Variants in PCDHA2 observed in about 807,000 individuals in gnomAD.
The protein encoded by PCDHA2 is protocadherin alpha 2.
A neutral mutation model predicts 66.0 loss-of-function variants in PCDHA2; 58 were observed. The ratio of observed to expected loss-of-function variants is 0.88; its 90% CI spans 0.71 to 1.09. The LOEUF is 1.09. PCDHA2 is among the 50% of genes least tolerant of loss of function. PCDHA2 has a pLI of 0.00. For synonymous variants in PCDHA2, 634 were observed against 554.0 expected (o/e 1.14, Z -2.03); for missense variants, 1,267 against 1,242.3 (o/e 1.02, Z -0.30).
chr5:141,005,133 T>C (rs559773723), intron 3 of PCDHA2, among the ~76,000 whole-genome samples: 3 of 152,328 alleles, frequency 2.0e-5, no homozygotes, highest in Admixed American at 6.5e-5. Context: ...AAGTGCCTCA[T>C]TGGAGAGTTG....
At chr5:140,822,918 C>T in intron 1 of PCDHA2, 1 of 1,614,272 alleles carries the variant, frequency 6.2e-7, no homozygotes, top group Non-Finnish European at 8.5e-7. Flanking sequence ...CAGGTGCCAA[C>T]GGGCAGGTGA....
chr5:140,808,959 T>G (rs1554124915), intron 1 of PCDHA2: 1 of 1,613,498 alleles, frequency 6.2e-7, no homozygotes, highest in Non-Finnish European at 8.5e-7. Flanking sequence ...GGCCACGTGG[T>G]GGCAAAGGTG....
intron 3 of PCDHA2, among the ~76,000 whole-genome samples, chr5:141,003,969 G>A (rs781827494): frequency 2.0e-5 from 3 of 152,158 alleles, no homozygotes; most frequent in Non-Finnish European, 4.4e-5. Flanking sequence ...GAGCATAAGG[G>A]AGGGGACTTG....
intron 1 of PCDHA2, chr5:140,967,336 C>T (rs782067589): frequency 5.0e-6 from 8 of 1,607,396 alleles, no homozygotes; most frequent in Admixed American, 1.7e-5. Context: ...TCAGCCCCAG[C>T]GAGCACTTCG....
chr5:140,797,829 A>G (rs1223616665), intron 1 of PCDHA2, among the ~76,000 whole-genome samples: 1 of 151,736 alleles, frequency 6.6e-6, no homozygotes, highest in Non-Finnish European at 1.5e-5. Flanking sequence ...TGTCTATGCA[A>G]TAGTTAATAA....
chr5:140,869,141 G>T (rs782396331), intron 1 of PCDHA2: 1 of 1,613,314 alleles, frequency 6.2e-7, no homozygotes, highest in African/African-American at 1.3e-5. Flanking sequence ...GGCACCCCAC[G>T]ACTACAGCTC....
intron 1 of PCDHA2, among the ~76,000 whole-genome samples, chr5:140,960,137 T>C (rs2095528767): frequency 6.6e-6 from 1 of 152,232 alleles, no homozygotes; most frequent in African/African-American, 2.4e-5. Flanking sequence ...AATACTTAGA[T>C]ATTAATAGCT....
At chr5:140,934,228 G>A (rs1238284158) in intron 1 of PCDHA2, among the ~76,000 whole-genome samples, 2 of 151,884 alleles carry the variant, frequency 1.3e-5, no homozygotes, top group African/African-American at 4.8e-5. Flanking sequence ...TAAAAGATTT[G>A]TACTTAATTG....
intron 3 of PCDHA2, among the ~76,000 whole-genome samples, chr5:141,005,280 C>T (rs2098203817): frequency 6.6e-6 from 1 of 152,180 alleles, no homozygotes; most frequent in Non-Finnish European, 1.5e-5. Context: ...GGTGAATAAA[C>T]AGATACATTT....
chr5:140,928,990 C>CT, intron 1 of PCDHA2: 2 of 1,613,884 alleles, frequency 1.2e-6, no homozygotes, highest in African/African-American at 1.3e-5. Context: ...GGGGTGCTTA[C>CT]TTTTCTTCGT....
rs147674000 is a variant in PCDHA2 at position 140,809,124 on chromosome 5, G to T, written c.2388+11772G>T. On this transcript the variant is annotated intron_variant, in intron 1 of 3. Coordinates refer to ENST00000526136, the MANE Select transcript of PCDHA2 (RefSeq NM_018905.3). ...GACGAAACGGACGCTCCGCGCCACC[G>T]CCTACTGGTACTGGTGAAGGACCAC... The T allele has an allele frequency of 8.0e-3, 12,837 of 1,613,980 alleles. 65 individuals carry two copies. The highest frequency in any genetic ancestry group is 0.011 in the Middle Eastern group (64 of 6,062).
At chr5:140,952,698 C>G (rs1020795237) in intron 1 of PCDHA2, among the ~76,000 whole-genome samples, 4 of 152,182 alleles carry the variant, frequency 2.6e-5, no homozygotes, top group Non-Finnish European at 4.4e-5. Context: ...ATAGCAATAT[C>G]CCACTCTCAG....
At chr5:140,969,087 T>C (rs146741684) in intron 1 of PCDHA2, 741 of 1,613,920 alleles carry the variant, frequency 4.6e-4, no homozygotes, top group Non-Finnish European at 5.8e-4. Flanking sequence ...GGCCTCAAAG[T>C]GCAGCCTCAC....
chr5:140,966,258 A>G, intron 1 of PCDHA2: 1 of 337,520 alleles, frequency 3.0e-6, no homozygotes, highest in Non-Finnish European at 5.3e-6. Context: ...GAGACGGTGG[A>G]GACTGGATGA....
intron 1 of PCDHA2, among the ~76,000 whole-genome samples, chr5:140,909,427 T>C (rs777444474): frequency 5.8e-4 from 88 of 152,174 alleles, no homozygotes; most frequent in Non-Finnish European, 6.5e-4. Context: ...GTTAAACTTA[T>C]GATAATCCAC....
At chr5:140,807,927 A>C in intron 1 of PCDHA2, 1 of 1,614,142 alleles carries the variant, frequency 6.2e-7, no homozygotes, top group South Asian at 1.1e-5. Context: ...AGAACCATTT[A>C]TAAGGTGAGA....
In PCDHA2 at chr5:141,010,735, T is replaced by G. The variant is rs192374006; in HGVS notation, c.*798T>G. On this transcript the variant is annotated 3_prime_UTR_variant, in exon 4 of 4. Coordinates refer to ENST00000526136, the MANE Select transcript of PCDHA2 (RefSeq NM_018905.3). ...GTGCTCACTTTATTAAAAATTCTTT[T>G]GCACACAATGTTTATGAAAAGGCCA... The G allele has an allele frequency of 6.5e-6, 1 of 154,174 alleles. No individual in the cohort carries two copies. The highest frequency in any genetic ancestry group is 1.5e-5 in the Non-Finnish European group (1 of 68,224). 9.6% of individuals were successfully genotyped at this position (154,174 alleles called of 1,614,324 possible). A position where few individuals can be genotyped will look rare whatever the true frequency, so the allele number is the denominator to read the frequency against.
In PCDHA2 at chr5:140,808,480, C is replaced by T. The variant is rs782378137; in HGVS notation, c.2388+11128C>T. The T allele has an allele frequency of 2.5e-6, 4 of 1,614,062 alleles. No homozygotes were observed. The East Asian group carries it at 6.7e-5, about 27-fold the overall frequency. Reference sequence around the variant, plus strand: ...TGGTGGTGACCGCGCGAGACGGGGGCTCGCCTTCGCTGTGGGCCACGGCCA... The same window carrying T: ...TGGTGGTGACCGCGCGAGACGGGGGTTCGCCTTCGCTGTGGGCCACGGCCA... On this transcript the variant is annotated intron_variant, in intron 1 of 3. Transcript: ENST00000526136.
At chr5:140,956,020 T>C (rs2095249402) in intron 1 of PCDHA2, among the ~76,000 whole-genome samples, 1 of 152,240 alleles carries the variant, frequency 6.6e-6, no homozygotes, top group Non-Finnish European at 1.5e-5. Context: ...TTTGCTGAAG[T>C]TGCTTATCAG....
Sources: gnomAD v4.1 joint callset for allele counts (sites outside exome capture counted in the v4.1 genomes callset) on GRCh38, gnomAD v4.1.1 for gene constraint, MANE v1.5 for transcripts, NCBI Gene and HGNC (gene_info 2026-07-23, HGNC 2026-07-21) for gene names.